CLINT1: variants seen among roughly 807,000 people sequenced by gnomAD.
CLINT1 encodes clathrin interactor 1.
A neutral mutation model predicts 70.4 loss-of-function variants in CLINT1; 15 were observed. The observed-to-expected ratio is 0.21, with a 90% confidence interval of 0.14 to 0.33. The LOEUF (loss-of-function observed/expected upper bound fraction) is 0.33. Ranked by LOEUF, CLINT1 falls within the 10% of genes least tolerant of loss-of-function variation. The pLI, the probability that CLINT1 is intolerant of heterozygous loss-of-function variation, is 1.00. For missense variants in CLINT1, 615 were observed against 778.1 expected (o/e 0.79, Z 2.49); for synonymous variants, 227 against 254.7 (o/e 0.89, Z 1.04).
chr5:157,849,916 A>G (rs904850658), intron 1 of CLINT1, among the ~76,000 whole-genome samples: 46 of 152,376 alleles, frequency 3.0e-4, no homozygotes, highest in Admixed American at 3.0e-3. Flanking sequence ...GTAATACAGC[A>G]GTAAACAAAA....
intron 1 of CLINT1, among the ~76,000 whole-genome samples, chr5:157,858,380 A>G (rs887556158): frequency 2.0e-5 from 3 of 152,238 alleles, no homozygotes; most frequent in Non-Finnish European, 2.9e-5. Context: ...GCTGACCACA[A>G]TAGCCACTTG....
At chr5:157,840,705 A>G (rs528606696) in intron 1 of CLINT1, among the ~76,000 whole-genome samples, 1 of 151,610 alleles carries the variant, frequency 6.6e-6, no homozygotes, top group Non-Finnish European at 1.5e-5. Flanking sequence ...TCTCTTTACT[A>G]CTCATTGTTA....
At chr5:157,854,807 G>A (rs1319330059) in intron 1 of CLINT1, among the ~76,000 whole-genome samples, 1 of 152,076 alleles carries the variant, frequency 6.6e-6, no homozygotes, top group African/African-American at 2.4e-5. Context: ...CATAGCTGTT[G>A]CCTTAGGACC....
chr5:157,825,062 A>G (rs1026755133), intron 1 of CLINT1, among the ~76,000 whole-genome samples: 13 of 152,166 alleles, frequency 8.5e-5, no homozygotes, highest in African/African-American at 3.1e-4. Context: ...AAGTAAAGAA[A>G]ATACCAGTTT....
intron 7 of CLINT1, among the ~76,000 whole-genome samples, chr5:157,804,037 TAA>T (rs3836883): frequency 0.38 from 49,243 of 130,406 alleles, 9,525 homozygotes; most frequent in East Asian, 0.55. Flanking sequence ...ATCAGTTCAT[TAA>T]AAAAAAAAAA....
At chr5:157,838,800 C>T (rs1258715590) in intron 1 of CLINT1, among the ~76,000 whole-genome samples, 1 of 152,158 alleles carries the variant, frequency 6.6e-6, no homozygotes, top group African/African-American at 2.4e-5. Flanking sequence ...CCATTATCTA[C>T]AATACATACA....
chr5:157,815,224 C>T (rs1762684226), intron 3 of CLINT1, among the ~76,000 whole-genome samples: 1 of 151,790 alleles, frequency 6.6e-6, no homozygotes, highest in Admixed American at 6.6e-5. Context: ...CTCTTGAGCC[C>T]AGGAGGTCAA....
chr5:157,832,853 C>T (rs1763288158), intron 1 of CLINT1, among the ~76,000 whole-genome samples: 1 of 152,124 alleles, frequency 6.6e-6, no homozygotes, highest in Non-Finnish European at 1.5e-5. Flanking sequence ...CCACTTCTCC[C>T]TACCCACACC....
At chr5:157,850,859 A>G (rs1242261667) in intron 1 of CLINT1, among the ~76,000 whole-genome samples, 2 of 152,040 alleles carry the variant, frequency 1.3e-5, no homozygotes, top group Non-Finnish European at 2.9e-5. Context: ...CAGTGGCACA[A>G]TCACAGCTCA....
chr5:157,829,768 C>T (rs1763165995), intron 1 of CLINT1, among the ~76,000 whole-genome samples: 1 of 146,650 alleles, frequency 6.8e-6, no homozygotes, highest in Non-Finnish European at 1.5e-5. Flanking sequence ...TCTCAAACTC[C>T]TGGACTCAAG....
At chr5:157,830,096 A>G (rs1763176086) in intron 1 of CLINT1, among the ~76,000 whole-genome samples, 1 of 151,628 alleles carries the variant, frequency 6.6e-6, no homozygotes, top group African/African-American at 2.4e-5. Flanking sequence ...CTACAGATGC[A>G]TGCCACCACG....
chr5:157,834,481 TAA>T (rs909624483), intron 1 of CLINT1, among the ~76,000 whole-genome samples: 1 of 151,932 alleles, frequency 6.6e-6, no homozygotes, highest in Non-Finnish European at 1.5e-5. Flanking sequence ...TTTAGGACTA[TAA>T]AAAAAAGTCC....
intron 1 of CLINT1, among the ~76,000 whole-genome samples, chr5:157,838,579 T>C (rs1011290870): frequency 2.0e-5 from 3 of 152,226 alleles, no homozygotes; most frequent in African/African-American, 2.4e-5. Context: ...ACACTTCTAT[T>C]TGCAAAATAA....
chr5:157,804,202 C>T (rs1282326637), intron 7 of CLINT1, among the ~76,000 whole-genome samples: 1 of 152,074 alleles, frequency 6.6e-6, no homozygotes, highest in Admixed American at 6.6e-5. Flanking sequence ...GATTAGAGGT[C>T]AAGATCCTAA....
intron 1 of CLINT1, among the ~76,000 whole-genome samples, chr5:157,830,796 C>CTCTATATATATATA (rs1300619885): frequency 5.8e-5 from 5 of 85,718 alleles, no homozygotes; most frequent in African/African-American, 2.5e-4. Flanking sequence ...CTCTCTCTCT[C>CTCTATATATATATA]TATATATATA....
chr5:157,831,030 C>G (rs1465895984), intron 1 of CLINT1, among the ~76,000 whole-genome samples: 1 of 149,502 alleles, frequency 6.7e-6, no homozygotes, highest in Non-Finnish European at 1.5e-5. Flanking sequence ...GATGACAGAA[C>G]AAGACCCTGT....
At chr5:157,789,682 G>T in intron 10 of CLINT1, 169 bp from the exon 11 acceptor site, 1 of 823,346 alleles carries the variant, frequency 1.2e-6, no homozygotes, top group Non-Finnish European at 1.9e-6. Context: ...AATGTTCTAT[G>T]CTAATGTCTT....
chr5:157,803,185 C>G (rs62389007), intron 8 of CLINT1, among the ~76,000 whole-genome samples: 6 of 152,248 alleles, frequency 3.9e-5, no homozygotes, highest in Admixed American at 3.9e-4. Context: ...AGTTTAAATG[C>G]AATTTTTTGT....
intron 1 of CLINT1, among the ~76,000 whole-genome samples, chr5:157,858,381 T>C (rs919637614): frequency 6.6e-6 from 1 of 152,174 alleles, no homozygotes; most frequent in Non-Finnish European, 1.5e-5. Flanking sequence ...CTGACCACAA[T>C]AGCCACTTGT....
Sources: gnomAD v4.1 joint callset for allele counts (sites outside exome capture counted in the v4.1 genomes callset) on GRCh38, gnomAD v4.1.1 for gene constraint, MANE v1.5 for transcripts, NCBI Gene and HGNC (gene_info 2026-07-23, HGNC 2026-07-21) for gene names.